SGCZ: variants seen among roughly 807,000 people sequenced by gnomAD.
SGCZ encodes the protein zeta-sarcoglycan.
SGCZ carries 40 observed loss-of-function variants against 41.3 expected under a neutral mutation model. That is an observed-to-expected ratio of 0.97 (90% CI 0.75 to 1.26). The LOEUF is 1.26. Among genes scored for constraint, SGCZ ranks in the 50% most tolerant of loss-of-function variants. The pLI is 0.00. For missense variants in SGCZ, 552 were observed against 369.8 expected (o/e 1.49, Z -4.04); for synonymous variants, 206 against 137.5 (o/e 1.50, Z -3.49).
chr8:14,350,742 G>C (rs963129990), intron 2 of SGCZ, among the ~76,000 whole-genome samples: 1 of 151,996 alleles, frequency 6.6e-6, no homozygotes, highest in East Asian at 1.9e-4. Context: ...CTCCAATCTT[G>C]AAAGCCCTCT....
chr8:14,614,025 C>A (rs1248020551), intron 1 of SGCZ, among the ~76,000 whole-genome samples: 1 of 152,080 alleles, frequency 6.6e-6, no homozygotes, highest in East Asian at 1.9e-4. Context: ...TTAGGCACTG[C>A]CTTCAGTGAG....
At chr8:14,118,193 C>G (rs1401007071) in intron 5 of SGCZ, among the ~76,000 whole-genome samples, 2 of 152,084 alleles carry the variant, frequency 1.3e-5, no homozygotes, top group Non-Finnish European at 2.9e-5. Context: ...AATTTGCACT[C>G]CTACCAACAG....
At chr8:15,190,244 C>T (rs963050188) in intron 1 of SGCZ, among the ~76,000 whole-genome samples, 11 of 152,110 alleles carry the variant, frequency 7.2e-5, no homozygotes, top group African/African-American at 2.7e-4. Context: ...TTTAAGTAAC[C>T]CTGATATCAG....
rs60830817 is a variant in SGCZ, at chr8:14,680,287, A to G, written c.40-125361T>C. Among the ~76,000 whole-genome samples, 839 of 152,274 alleles carry G rather than the reference A, an allele frequency of 5.5e-3. 7 individuals carry two copies. Among genetic ancestry groups the G allele is most frequent in the African/African-American group, 0.019 (802 of 41,566 alleles). On this transcript the variant is annotated intron_variant, in intron 1 of 7. Transcript: ENST00000382080. ...GCTATAATGGTGTATACGTGTCATT[A>G]TAAACTTAACAAAACCCATAGAACA...
rs145613601 is a variant in SGCZ, at chr8:14,958,429, G to A, written c.39+279156C>T. On this transcript the variant is annotated intron_variant, in intron 1 of 7. Coordinates refer to ENST00000382080, the MANE Select transcript of SGCZ (RefSeq NM_139167.4). ...AAGAAAAGGTATGCAATACTGATAC[G>A]TTAGGTAACATGGTAAACTCTGAAA... 1.5e-3 allele frequency among the ~76,000 whole-genome samples: 232 copies of A among 152,140 alleles called. 1 individual carries two copies. Among genetic ancestry groups the A allele is most frequent in the East Asian group, 0.013 (66 of 5,178 alleles).
intron 1 of SGCZ, among the ~76,000 whole-genome samples, chr8:15,028,808 A>G (rs1345844937): frequency 6.6e-6 from 1 of 152,070 alleles, no homozygotes; most frequent in Non-Finnish European, 1.5e-5. Context: ...CTTCTTCCTT[A>G]TAAAGGACTA....
intron 1 of SGCZ, among the ~76,000 whole-genome samples, chr8:14,660,944 C>A (rs561960555): frequency 6.6e-6 from 1 of 152,176 alleles, no homozygotes; most frequent in East Asian, 1.9e-4. Context: ...AGAATTTACT[C>A]AGGATAGCAA....
intron 1 of SGCZ, among the ~76,000 whole-genome samples, chr8:14,924,506 G>A (rs1471475887): frequency 1.3e-5 from 2 of 151,182 alleles, no homozygotes; most frequent in African/African-American, 4.9e-5. Flanking sequence ...CTTTAATAAA[G>A]GTGAATAACT....
intron 1 of SGCZ, among the ~76,000 whole-genome samples, chr8:14,682,263 AT>A (rs1225815670): frequency 6.6e-6 from 1 of 152,176 alleles, no homozygotes; most frequent in East Asian, 1.9e-4. Flanking sequence ...ACTATAGAAA[AT>A]ATTTCATTTT....
intron 1 of SGCZ, among the ~76,000 whole-genome samples, chr8:14,751,660 A>T (rs2130318740): frequency 6.6e-6 from 1 of 152,210 alleles, no homozygotes; most frequent in East Asian, 1.9e-4. Context: ...AAAACCTGAG[A>T]GGATTTGCCT....
chr8:14,417,766 T>C (rs989849156), intron 2 of SGCZ, among the ~76,000 whole-genome samples: 2 of 150,272 alleles, frequency 1.3e-5, no homozygotes, highest in African/African-American at 4.9e-5. Flanking sequence ...GTGATAGATA[T>C]GTAATTAATT....
intron 3 of SGCZ, among the ~76,000 whole-genome samples, chr8:14,314,048 T>G (rs1254266613): frequency 6.6e-6 from 1 of 152,098 alleles, no homozygotes. Flanking sequence ...ATCTTCATTT[T>G]TTTGTAAGGC....
At chr8:14,926,932 C>G (rs1244053403) in intron 1 of SGCZ, among the ~76,000 whole-genome samples, 1 of 151,998 alleles carries the variant, frequency 6.6e-6, no homozygotes, top group Non-Finnish European at 1.5e-5. Flanking sequence ...AGTCACCACA[C>G]CTGGCCGACA....
chr8:14,714,262 C>T (rs534242164), intron 1 of SGCZ, among the ~76,000 whole-genome samples: 4 of 152,100 alleles, frequency 2.6e-5, no homozygotes, highest in Non-Finnish European at 4.4e-5. Context: ...CCACCGTGTC[C>T]GACCCTGAAA....
chr8:14,413,344 C>A (rs1444622328), intron 2 of SGCZ, among the ~76,000 whole-genome samples: 2 of 130,766 alleles, frequency 1.5e-5, no homozygotes, highest in Non-Finnish European at 3.2e-5. Context: ...TCAATGATAT[C>A]CTTACTTTTT....
intron 4 of SGCZ, among the ~76,000 whole-genome samples, chr8:14,180,911 C>T (rs66476614): frequency 0.24 from 36,414 of 151,404 alleles, 6,076 homozygotes; most frequent in African/African-American, 0.47. Context: ...TGAAGACTAC[C>T]AGAAGGGAGG....
At chr8:14,092,929 T>G (rs1024447552) in intron 7 of SGCZ, among the ~76,000 whole-genome samples, 11 of 152,058 alleles carry the variant, frequency 7.2e-5, no homozygotes, top group Non-Finnish European at 1.6e-4. Context: ...ATTACCTATG[T>G]TCAATACCTA....
At chr8:15,026,681 G>C (rs968465230) in intron 1 of SGCZ, among the ~76,000 whole-genome samples, 3 of 152,254 alleles carry the variant, frequency 2.0e-5, no homozygotes, top group Admixed American at 1.3e-4. Context: ...CTCTAATAAA[G>C]CTTCTGGAAC....
At chr8:15,235,027 AGAT>A (rs1374098128) in intron 1 of SGCZ, among the ~76,000 whole-genome samples, 3 of 152,230 alleles carry the variant, frequency 2.0e-5, no homozygotes, top group Admixed American at 1.3e-4. Context: ...AAGCATTATT[AGAT>A]GATAAGAAAA....
Sources: allele counts gnomAD v4.1 joint callset (sites outside exome capture counted in the v4.1 genomes callset), GRCh38; gene constraint gnomAD v4.1.1; transcripts MANE v1.5; gene names NCBI Gene and HGNC (gene_info 2026-07-23, HGNC 2026-07-21).